The following SLC10A7 variants were observed in gnomAD, a reference collection of about 807,000 sequenced individuals.
SLC10A7 encodes the protein solute carrier family 10 member 7, also known as sodium/bile acid cotransporter 7.
In SLC10A7, 29 loss-of-function variants were observed where a neutral mutation model predicts 43.2. The observed-to-expected ratio is 0.67, with a 90% CI of 0.50 to 0.92. SLC10A7 has a LOEUF of 0.92. Ranked by LOEUF, SLC10A7 falls within the 40% of genes least tolerant of loss-of-function variation. The pLI is 0.00. For synonymous variants in SLC10A7, 152 were observed against 144.8 expected (o/e 1.05, Z -0.35); for missense variants, 295 against 403.2 (o/e 0.73, Z 2.30).
chr4:146,311,744 C>T (rs933958215), intron 6 of SLC10A7, among the ~76,000 whole-genome samples: 8 of 151,634 alleles, frequency 5.3e-5, no homozygotes, highest in Non-Finnish European at 7.4e-5. Flanking sequence ...CAGAGCCCAG[C>T]CCTGGGGAAA....
At chr4:146,460,499 A>G (rs528696451) in intron 4 of SLC10A7, among the ~76,000 whole-genome samples, 14 of 152,122 alleles carry the variant, frequency 9.2e-5, no homozygotes, top group African/African-American at 3.4e-4. Context: ...GCTCAGCAAT[A>G]AAAAGGAATG....
chr4:146,450,189 A>T (rs1452742899), intron 4 of SLC10A7, among the ~76,000 whole-genome samples: 2 of 152,164 alleles, frequency 1.3e-5, no homozygotes, highest in Non-Finnish European at 2.9e-5. Context: ...CAAAAATACT[A>T]TATTCAAAAA....
chr4:146,334,320 A>G (rs1160174492), intron 5 of SLC10A7, among the ~76,000 whole-genome samples: 1 of 152,114 alleles, frequency 6.6e-6, no homozygotes, highest in East Asian at 1.9e-4. Context: ...AAAATAAGTT[A>G]AGAAATGTAG....
chr4:146,258,231 T>C (rs1727999636), intron 11 of SLC10A7, among the ~76,000 whole-genome samples: 1 of 152,194 alleles, frequency 6.6e-6, no homozygotes, highest in Non-Finnish European at 1.5e-5. Flanking sequence ...GCAGTTTTGC[T>C]GTACAAATAG....
At chr4:146,502,156 C>G (rs1012852414) in intron 4 of SLC10A7, among the ~76,000 whole-genome samples, 2 of 152,110 alleles carry the variant, frequency 1.3e-5, no homozygotes, top group Non-Finnish European at 2.9e-5. Flanking sequence ...TGAAAAGATA[C>G]TCAATATCAC....
chr4:146,278,200 T>C (rs1375642666), intron 10 of SLC10A7, among the ~76,000 whole-genome samples: 1 of 152,176 alleles, frequency 6.6e-6, no homozygotes, highest in Non-Finnish European at 1.5e-5. Context: ...TTTATTTTTA[T>C]GCACAATAAG....
chr4:146,339,146 T>C (rs1734084806), intron 5 of SLC10A7, among the ~76,000 whole-genome samples: 1 of 151,984 alleles, frequency 6.6e-6, no homozygotes, highest in South Asian at 2.1e-4. Context: ...CTCTTTTATA[T>C]AAGACACTCA....
intron 5 of SLC10A7, among the ~76,000 whole-genome samples, chr4:146,437,626 C>T (rs186377517): frequency 7.2e-5 from 11 of 152,128 alleles, no homozygotes; most frequent in Admixed American, 6.5e-4. Context: ...ACAAATTCAG[C>T]ATAGTCTTCA....
At chr4:146,354,689 G>T (rs1420643545) in intron 5 of SLC10A7, among the ~76,000 whole-genome samples, 2 of 151,292 alleles carry the variant, frequency 1.3e-5, no homozygotes, top group African/African-American at 2.5e-5. Context: ...CCAAAACAGA[G>T]ATATAGATCA....
chr4:146,440,427 C>G (rs1316459871), intron 5 of SLC10A7, among the ~76,000 whole-genome samples: 3 of 151,960 alleles, frequency 2.0e-5, no homozygotes, highest in Non-Finnish European at 4.4e-5. Context: ...CATGAGGCAG[C>G]CTTGAGGAAG....
chr4:146,388,698 G>T (rs561132740), intron 5 of SLC10A7, among the ~76,000 whole-genome samples: 1 of 151,820 alleles, frequency 6.6e-6, no homozygotes, highest in Non-Finnish European at 1.5e-5. Flanking sequence ...GGTGGAGCTT[G>T]CAGTGAGCCG....
rs763863216 is a variant in SLC10A7, at chr4:146,283,273, C to CA, written c.774-9dup. The CA allele has an allele frequency of 1.2e-6, 2 of 1,610,870 alleles. No homozygotes were observed. Among genetic ancestry groups the CA allele is most frequent in the South Asian group, 1.1e-5 (1 of 90,694 alleles). On this transcript the variant is annotated splice_polypyrimidine_tract_variant and intron_variant, in intron 9 of 11. Coordinates refer to ENST00000335472, the MANE Select transcript of SLC10A7 (RefSeq NM_001029998.6). Reference sequence around the variant, plus strand: ...GTGAAACCCGAATTATTCCTAGGGGCAAAAAAAGATTTTGACAAATACTTT... The same window carrying CA: ...GTGAAACCCGAATTATTCCTAGGGGCAAAAAAAAGATTTTGACAAATACTTT...
chr4:146,426,773 G>A (rs375373115), intron 5 of SLC10A7, among the ~76,000 whole-genome samples: 9 of 152,262 alleles, frequency 5.9e-5, no homozygotes, highest in African/African-American at 1.9e-4. Context: ...TACTCGGGAG[G>A]CTGAGGCAGG....
chr4:146,419,111 C>T (rs1392824219), intron 5 of SLC10A7, among the ~76,000 whole-genome samples: 3 of 152,168 alleles, frequency 2.0e-5, no homozygotes, highest in Admixed American at 6.5e-5. Flanking sequence ...TATCAGCAAG[C>T]GCTCTGAACC....
At position 146,258,732 on chromosome 4, in the gene SLC10A7, A is replaced by G. The variant is rs1445093838; in HGVS notation, c.953T>C (p.Leu318Ser). 1.2e-6 allele frequency: 2 copies of G among 1,607,106 alleles called. No homozygotes were observed. Among genetic ancestry groups the G allele is most frequent in the Non-Finnish European group, 1.7e-6 (2 of 1,178,510 alleles). ...CATCCAAGACTTGATTGTTGGCACC[A>G]ACACACTTCCCAGAAGGATCTGAGC... ...HPAQILLGSV[L>S]VPTIKSWMVS... The change falls in exon 11 of 12, where the codon TTG (leucine) becomes TCG (serine). Residue 318 changes from leucine to serine, a missense_variant. Leu to Ser is a moderately radical substitution (Grantham distance 145, BLOSUM62 -2). Transcript: ENST00000335472.
At chr4:146,417,193 G>A (rs971599744) in intron 5 of SLC10A7, among the ~76,000 whole-genome samples, 8 of 152,186 alleles carry the variant, frequency 5.3e-5, no homozygotes, top group South Asian at 2.1e-4. Context: ...TTGAATAAAC[G>A]AACTGGAGAG....
At chr4:146,464,967 C>T (rs1732880593) in intron 4 of SLC10A7, among the ~76,000 whole-genome samples, 1 of 152,062 alleles carries the variant, frequency 6.6e-6, no homozygotes, top group African/African-American at 2.4e-5. Flanking sequence ...ATGTAAAGCT[C>T]AGATTCGTGA....
intron 5 of SLC10A7, among the ~76,000 whole-genome samples, chr4:146,374,205 A>T (rs1246957848): frequency 6.6e-6 from 1 of 152,182 alleles, no homozygotes; most frequent in African/African-American, 2.4e-5. Context: ...TTTTGTCGAG[A>T]TTACATGAGA....
At chr4:146,483,847 T>C (rs894850979) in intron 4 of SLC10A7, among the ~76,000 whole-genome samples, 2 of 152,096 alleles carry the variant, frequency 1.3e-5, no homozygotes, top group African/African-American at 2.4e-5. Flanking sequence ...TCTGATAAAA[T>C]AGACTTCAAG....
Sources: allele counts gnomAD v4.1 joint callset (sites outside exome capture counted in the v4.1 genomes callset), GRCh38; gene constraint gnomAD v4.1.1; transcripts MANE v1.5; gene names NCBI Gene and HGNC (gene_info 2026-07-23, HGNC 2026-07-21).